Variants in ADAM7 observed in about 807,000 individuals in gnomAD.
ADAM7 encodes the protein disintegrin and metalloproteinase domain-containing protein 7.
Under a neutral mutation model 102.9 loss-of-function variants are expected in ADAM7, and 97 were observed. The observed-to-expected ratio is 0.94, with a 90% confidence interval of 0.80 to 1.12. ADAM7 has a LOEUF of 1.12. Among genes scored for constraint, ADAM7 ranks in the 50% most tolerant of loss-of-function variants. The probability of loss-of-function intolerance (pLI) is 0.00; values close to 1 mark genes in which losing one functional copy is unlikely to be tolerated. For missense variants in ADAM7, 991 were observed against 908.7 expected (o/e 1.09, Z -1.16); for synonymous variants, 334 against 304.4 (o/e 1.10, Z -1.01).
In ADAM7 at chr8:24,463,929, G is replaced by C. The variant is rs1481936087; in HGVS notation, c.281G>C (p.Gly94Ala). ...AGTGAAACATTCTACTCCATGAAAGGAGAAGCGTTCACCAGGCATCCTCAG... is the reference window on the plus strand; with the variant it reads ...AGTGAAACATTCTACTCCATGAAAGCAGAAGCGTTCACCAGGCATCCTCAG... ...NYSETFYSMK[G>A]EAFTRHPQIM... The change falls in exon 4 of 22, where the codon GGA becomes GCA. Residue 94 changes from glycine (G) to alanine (A), a missense_variant. Transcript: ENST00000175238. 6.2e-7 allele frequency: 1 copy of C among 1,613,692 alleles called. No homozygotes were observed. The highest frequency in any genetic ancestry group is 8.5e-7 in the Non-Finnish European group (1 of 1,179,870).
chr8:24,450,512 C>A (rs989611205), intron 3 of ADAM7, among the ~76,000 whole-genome samples: 3 of 151,970 alleles, frequency 2.0e-5, no homozygotes, highest in Non-Finnish European at 4.4e-5. Flanking sequence ...TATCCTGAGA[C>A]TTTGCTGAAG....
Position 24,499,247 on chromosome 8 carries a change from T to C in ADAM7, c.1854T>C (p.Asn618=). ...TACTTCATTTCTAGGTGTGCAACAA[T>C]GGTGAATGTCTAAACATGGAAAAGG... ...TKCGEGMVCN[N]GECLNMEKVY... The change falls in exon 17 of 22, where the codon AAT becomes AAC. Residue 618 remains asparagine (N), a synonymous_variant. Transcript: ENST00000175238. 6.3e-7 allele frequency: 1 copy of C among 1,597,572 alleles called. No homozygotes were observed. Among genetic ancestry groups the C allele is most frequent in the African/African-American group, 1.3e-5 (1 of 74,142 alleles).
At chr8:24,476,063 T>C (rs1819759059) in intron 7 of ADAM7, 4 of 424,226 alleles carry the variant, frequency 9.4e-6, no homozygotes, top group South Asian at 5.1e-5. Flanking sequence ...TTCTTCGCCA[T>C]ATAGATTGCT....
rs1266072089 is a variant in ADAM7, at chr8:24,466,781, T to G, written c.390-18T>G. ...AATTATAGGCCTTGAATACAAATTG[T>G]GTTCCCAATTTCTACAGGGGATTCT... is the stretch of plus-strand genomic sequence containing the variant. On this transcript the variant is annotated intron_variant, in intron 5 of 21. Transcript: ENST00000175238. 2 of 1,601,774 alleles carry G rather than the reference T, an allele frequency of 1.2e-6. No homozygotes were observed.
At chr8:24,488,179 G>T (rs982495763) in intron 11 of ADAM7, among the ~76,000 whole-genome samples, 1 of 152,094 alleles carries the variant, frequency 6.6e-6, no homozygotes, top group South Asian at 2.1e-4. Context: ...AGTCCCACAA[G>T]GTCAGAGGGT....
intron 9 of ADAM7, among the ~76,000 whole-genome samples, chr8:24,482,994 ACCTCACTCTCTGAACATTTCC>A (rs1820012008): frequency 6.6e-6 from 1 of 152,058 alleles, no homozygotes; most frequent in Admixed American, 6.6e-5. Context: ...CTGGGAAAGC[ACCTCACTCTCTGAACATTTCC>A]CCTCATCAAA....
At chr8:24,497,014 T>C (rs1257705964) in intron 16 of ADAM7, among the ~76,000 whole-genome samples, 1 of 152,172 alleles carries the variant, frequency 6.6e-6, no homozygotes, top group Non-Finnish European at 1.5e-5. Flanking sequence ...AATTCCCACA[T>C]TTGTGGGAGG....
intron 8 of ADAM7, among the ~76,000 whole-genome samples, chr8:24,478,383 T>G (rs889033927): frequency 2.0e-5 from 3 of 152,142 alleles, no homozygotes; most frequent in African/African-American, 7.2e-5. Flanking sequence ...ATTACTAGAC[T>G]TGTTTTAAAA....
At chr8:24,465,366 C>T (rs888523278) in intron 4 of ADAM7, among the ~76,000 whole-genome samples, 2 of 152,002 alleles carry the variant, frequency 1.3e-5, no homozygotes, top group Non-Finnish European at 1.5e-5. Context: ...AGGCTAGTTT[C>T]GTAAAAATTT....
chr8:24,490,943 A>G (rs1307045025), intron 13 of ADAM7, 55 bp downstream of exon 13: 2 of 1,574,074 alleles, frequency 1.3e-6, no homozygotes, highest in Admixed American at 1.7e-5. Flanking sequence ...AATATGTAGG[A>G]TCCAAGAGTT....
chr8:24,479,206 T>C (rs767730801), intron 8 of ADAM7, among the ~76,000 whole-genome samples: 7 of 152,136 alleles, frequency 4.6e-5, no homozygotes, highest in Non-Finnish European at 8.8e-5. Context: ...GAGCATGTTC[T>C]ATCATCCTGA....
chr8:24,509,528 T>G lies in ADAM7; in HGVS notation c.*982T>G. 1 of 984,274 alleles carries G rather than the reference T, an allele frequency of 1.0e-6. No individual in the cohort carries two copies. Among genetic ancestry groups the G allele is most frequent in the Non-Finnish European group, 1.2e-6 (1 of 828,894 alleles). The allele number at this position is 984,274 out of a possible 1,614,324, so 61.0% of individuals were successfully genotyped here. ...AAGTTCTAAATAAAAATATTCTGAC[T>G]CGATGAAATAAATAAAGGCTACAAA... On this transcript the variant is annotated 3_prime_UTR_variant, in exon 22 of 22. Coordinates refer to ENST00000175238, the MANE Select transcript of ADAM7 (RefSeq NM_003817.4).
chr8:24,487,775 T>G, intron 11 of ADAM7, among the ~76,000 whole-genome samples: 1 of 152,178 alleles, frequency 6.6e-6, no homozygotes, highest in Admixed American at 6.5e-5. Context: ...GTGGCAGTTT[T>G]CTTTCTGGGG....
intron 7 of ADAM7, among the ~76,000 whole-genome samples, chr8:24,474,828 G>A (rs1205694667): frequency 1.3e-5 from 2 of 152,114 alleles, no homozygotes; most frequent in African/African-American, 2.4e-5. Flanking sequence ...CCAGGAGGTC[G>A]AGGCTGCAAT....
In ADAM7 at chr8:24,487,296, G is replaced by A. The variant is rs776541815; in HGVS notation, c.1070G>A (p.Cys357Tyr). 8.1e-6 allele frequency: 13 copies of A among 1,613,620 alleles called. No homozygotes were observed. The Admixed American group carries it at 1.3e-4, about 17-fold the overall frequency. ...CCATGCACCTGTCCTTCAGGAAAATGCGTGATGGACAGTGATGGAAGGTGA... is the reference window on the plus strand; with the variant it reads ...CCATGCACCTGTCCTTCAGGAAAATACGTGATGGACAGTGATGGAAGGTGA... ...EFPCTCPSGK[C>Y]VMDSDGSIPA... Residue 357 changes from cysteine to tyrosine, a missense_variant, in exon 11 of 22, where the codon TGC (cysteine) becomes TAC (tyrosine). By Grantham distance (194) the Cys-to-Tyr change is radical. Coordinates refer to ENST00000175238, the MANE Select transcript of ADAM7 (RefSeq NM_003817.4).
chr8:24,492,907 C>A, intron 15 of ADAM7, 136 bp from the exon 16 acceptor site: 2 of 847,720 alleles, frequency 2.4e-6, no homozygotes, highest in South Asian at 2.2e-5. Flanking sequence ...CAGTGGTTTT[C>A]TCTGCCCATT....
chr8:24,444,046 T>A (rs1041104151), intron 2 of ADAM7, among the ~76,000 whole-genome samples: 1 of 151,478 alleles, frequency 6.6e-6, no homozygotes, highest in African/African-American at 2.4e-5. Flanking sequence ...ACCTAAAGCT[T>A]CTTGTATACC....
intron 7 of ADAM7, 53 bp from the exon 8 acceptor site, chr8:24,476,380 T>A: frequency 1.5e-6 from 2 of 1,367,136 alleles, no homozygotes; most frequent in Admixed American, 1.9e-5. Flanking sequence ...TTTGTTGAGC[T>A]TTTATGCAAC....
chr8:24,482,792 ATCTT>A (rs1327421140), intron 9 of ADAM7, among the ~76,000 whole-genome samples: 2 of 152,168 alleles, frequency 1.3e-5, no homozygotes, highest in African/African-American at 4.8e-5. Flanking sequence ...CTATTTAATA[ATCTT>A]TCTTTCTAAT....
Sources: allele counts gnomAD v4.1 joint callset (sites outside exome capture counted in the v4.1 genomes callset), GRCh38; gene constraint gnomAD v4.1.1; transcripts MANE v1.5; gene names NCBI Gene and HGNC (gene_info 2026-07-23, HGNC 2026-07-21).